The following CCDC63 variants were observed in gnomAD, a reference collection of about 807,000 sequenced individuals.
CCDC63 encodes coiled-coil domain-containing protein 63.
In CCDC63, 54 loss-of-function variants were observed where a neutral mutation model predicts 63.6. That is an observed-to-expected ratio of 0.85 (90% CI 0.68 to 1.07). The LOEUF is 1.07. Ranked by LOEUF, CCDC63 falls within the 50% of genes least tolerant of loss-of-function variation. CCDC63 has a pLI of 0.00. For synonymous variants in CCDC63, 253 were observed against 266.1 expected, an observed-to-expected ratio of 0.95 and a Z score of 0.48; for missense variants, 637 against 689.6, an observed-to-expected ratio of 0.92 and a Z score of 0.86.
intron 9 of CCDC63, among the ~76,000 whole-genome samples, chr12:110,895,841 A>C (rs1255826805): frequency 6.6e-6 from 1 of 152,180 alleles, no homozygotes; most frequent in East Asian, 1.9e-4. Context: ...CTGGTAAGTC[A>C]CCCTCACTTT....
rs745936788 is a variant in CCDC63, at chr12:110,881,235, C to T, written c.792C>T (p.Ser264=). Residue 264 remains serine (S), a synonymous_variant, in exon 7 of 12, where the codon TCC becomes TCT. Coordinates refer to ENST00000308208, the MANE Select transcript of CCDC63 (RefSeq NM_152591.3). ...ATGCCCATGAGAGCAAGCTCAAGTC[C>T]TTCCTGCTCGTCAAGCTGAATGATC... ...RLYAHESKLK[S]FLLVKLNDRN... 1 of 1,613,876 alleles carries T rather than the reference C, an allele frequency of 6.2e-7. No individual in the cohort carries two copies. Among genetic ancestry groups the T allele is most frequent in the Non-Finnish European group, 8.5e-7 (1 of 1,179,940 alleles).
At chr12:110,905,933 A>T (rs867770625) in intron 11 of CCDC63, among the ~76,000 whole-genome samples, 11 of 32,590 alleles carry the variant, frequency 3.4e-4, no homozygotes, top group Admixed American at 1.2e-3. Context: ...AATATATATT[A>T]TATAAAATAT....
In CCDC63 at chr12:110,858,276, C is replaced by A. The variant is rs372764090; in HGVS notation, c.180-310C>A. ...GAATCAGACAGGTGCCAGGGAGTTG[C>A]TGGCAAAGGAGAACGTGGGGGTTTC... On this transcript the variant is annotated intron_variant, in intron 3 of 11. Coordinates refer to ENST00000308208, the MANE Select transcript of CCDC63 (RefSeq NM_152591.3). Among the ~76,000 whole-genome samples the A allele has an allele frequency of 2.2e-3, 331 of 152,222 alleles. 3 individuals are homozygous for A. Among genetic ancestry groups the A allele is most frequent in the African/African-American group, 7.6e-3 (317 of 41,516 alleles).
intron 5 of CCDC63, among the ~76,000 whole-genome samples, 174 bp downstream of exon 5, chr12:110,874,135 A>G (rs551853730): frequency 1.3e-5 from 2 of 151,872 alleles, no homozygotes; most frequent in African/African-American, 4.8e-5. Flanking sequence ...TGTCCACCTT[A>G]GCAAATGCGG....
intron 9 of CCDC63, 84 bp from the exon 10 acceptor site, chr12:110,898,849 T>A: frequency 9.0e-7 from 1 of 1,110,354 alleles, no homozygotes; most frequent in Non-Finnish European, 1.2e-6. Context: ...ACCCGCAGTT[T>A]GGAGACCCTG....
intron 3 of CCDC63, among the ~76,000 whole-genome samples, chr12:110,857,587 C>A (rs1454217703): frequency 6.6e-6 from 1 of 152,178 alleles, no homozygotes; most frequent in East Asian, 1.9e-4. Flanking sequence ...TGCTACTGAT[C>A]CGCAAACCAC....
At chr12:110,904,482 C>T (rs2071531899) in intron 10 of CCDC63, 106 bp from the exon 11 acceptor site, 1 of 921,092 alleles carries the variant, frequency 1.1e-6, no homozygotes, top group Non-Finnish European at 1.7e-6. Flanking sequence ...CCCGCACCTC[C>T]TGTACTTCCT....
At chr12:110,874,518 G>A (rs2071107102) in intron 5 of CCDC63, among the ~76,000 whole-genome samples, 1 of 152,240 alleles carries the variant, frequency 6.6e-6, no homozygotes, top group Admixed American at 6.5e-5. Flanking sequence ...TCCAGAGGAG[G>A]AAGTGGGGCC....
upstream of CCDC63, chr12:110,845,520 T>C (rs770584883): frequency 1.3e-5 from 2 of 152,202 alleles, no homozygotes; most frequent in Non-Finnish European, 2.9e-5. Context: ...TATGAATCAT[T>C]TGGAGGCAAG....
At position 110,880,008 on chromosome 12, in the gene CCDC63, C is replaced by A; in HGVS notation, c.592C>A (p.Gln198Lys). ...EKAAYDNVYQ[Q>K]LQHCLLMEKK... Reference sequence around the variant, plus strand: ...GGCTGCTTATGACAATGTCTACCAGCAGCTCCAGCACTGCCTGTTGATGGA... The same window carrying A: ...GGCTGCTTATGACAATGTCTACCAGAAGCTCCAGCACTGCCTGTTGATGGA... The change falls in exon 6 of 12, where the codon CAG becomes AAG. Residue 198 changes from glutamine (Q) to lysine (K), a missense_variant. Transcript: ENST00000308208. 2 of 1,614,202 alleles carry A rather than the reference C, an allele frequency of 1.2e-6. No individual in the cohort carries two copies. Among genetic ancestry groups the A allele is most frequent in the Non-Finnish European group, 1.7e-6 (2 of 1,180,026 alleles).
intron 10 of CCDC63, 89 bp downstream of exon 10, chr12:110,899,214 T>A: frequency 8.2e-7 from 1 of 1,224,258 alleles, no homozygotes; most frequent in Non-Finnish European, 1.1e-6. Flanking sequence ...TATGGAGTAG[T>A]GAGCTTTGTG....
intron 4 of CCDC63, among the ~76,000 whole-genome samples, chr12:110,867,328 G>A (rs1197940177): frequency 5.5e-5 from 6 of 110,072 alleles, no homozygotes; most frequent in South Asian, 3.2e-4. Flanking sequence ...CCTCCCAGAC[G>A]GGGCGGCTGG....
chr12:110,897,472 C>T (rs918867329), intron 9 of CCDC63, among the ~76,000 whole-genome samples: 1 of 151,834 alleles, frequency 6.6e-6, no homozygotes, highest in Non-Finnish European at 1.5e-5. Context: ...GTGTTGCATG[C>T]TTGTAGTCCC....
intron 4 of CCDC63, among the ~76,000 whole-genome samples, chr12:110,859,988 C>T (rs747319171): frequency 6.6e-6 from 1 of 152,180 alleles, no homozygotes; most frequent in Non-Finnish European, 1.5e-5. Flanking sequence ...TGTGCCCCCT[C>T]TCCAGGTTAT....
chr12:110,873,266 T>C (rs1274266163), intron 4 of CCDC63, among the ~76,000 whole-genome samples: 2 of 151,750 alleles, frequency 1.3e-5, no homozygotes, highest in East Asian at 3.9e-4. Context: ...CAAAAGAAAA[T>C]AAAAGTATAA....
chr12:110,876,920 T>C (rs1304568680), intron 5 of CCDC63, among the ~76,000 whole-genome samples: 1 of 150,508 alleles, frequency 6.6e-6, no homozygotes, highest in East Asian at 1.9e-4. Context: ...GGCCTGCACC[T>C]GTAGTCCTAG....
chr12:110,853,490 G>T lies in CCDC63; in HGVS notation c.95G>T (p.Arg32Leu), dbSNP rs377251306. 8 of 1,614,196 alleles carry T rather than the reference G, an allele frequency of 5.0e-6. No individual in the cohort carries two copies. In the African/African-American group the frequency reaches 5.3e-5, roughly 11 times the overall value. ...GAGCAGCAGGCGGAGGCAGAGCTCCGGAAGCTAAGGCAGCAGTTCAGGAAG... is the reference window on the plus strand; with the variant it reads ...GAGCAGCAGGCGGAGGCAGAGCTCCTGAAGCTAAGGCAGCAGTTCAGGAAG... ...AKEQQAEAEL[R>L]KLRQQFRKMV... Residue 32 changes from arginine to leucine, a missense_variant, in exon 3 of 12, where the codon CGG (arginine) becomes CTG (leucine). Arg to Leu is a moderately radical substitution (Grantham distance 102). Coordinates refer to ENST00000308208, the MANE Select transcript of CCDC63 (RefSeq NM_152591.3).
intron 11 of CCDC63, among the ~76,000 whole-genome samples, chr12:110,906,141 A>AT (rs35295315): frequency 7.9e-6 from 1 of 126,004 alleles, no homozygotes; most frequent in African/African-American, 3.1e-5. Context: ...ATCTGAAGAT[A>AT]TTTTTGGTTG....
intron 1 of CCDC63, among the ~76,000 whole-genome samples, chr12:110,847,309 A>G (rs2070649779): frequency 6.6e-6 from 1 of 152,216 alleles, no homozygotes; most frequent in Admixed American, 6.5e-5. Context: ...CATGCCTGTA[A>G]TTCTAGCACT....
Sources: gnomAD v4.1 joint callset for allele counts (sites outside exome capture counted in the v4.1 genomes callset) on GRCh38, gnomAD v4.1.1 for gene constraint, MANE v1.5 for transcripts, NCBI Gene and HGNC (gene_info 2026-07-23, HGNC 2026-07-21) for gene names.